Variants in FER observed in about 807,000 individuals in gnomAD.
FER encodes the protein FER tyrosine kinase, also known as tyrosine-protein kinase Fer.
Under a neutral mutation model 111.0 loss-of-function variants are expected in FER, and 63 were observed. The observed-to-expected ratio is 0.57, with a 90% CI of 0.46 to 0.70. The LOEUF (loss-of-function observed/expected upper bound fraction) is 0.70, where lower values mean the gene tolerates loss of function less well. Among genes scored for constraint, FER ranks in the 30% least tolerant of loss-of-function variants. The pLI is 0.00. For synonymous variants in FER, 327 were observed against 313.9 expected (o/e 1.04, Z -0.44); for missense variants, 914 against 954.0 (o/e 0.96, Z 0.55).
At chr5:109,069,802 G>C (rs547340467) in intron 16 of FER, among the ~76,000 whole-genome samples, 2 of 152,058 alleles carry the variant, frequency 1.3e-5, no homozygotes, top group Admixed American at 6.5e-5. Flanking sequence ...TTTTTTTTCT[G>C]TTTGAACTCT....
chr5:108,891,402 A>G (rs1748025996), intron 9 of FER: 1 of 152,052 alleles, frequency 6.6e-6, no homozygotes, highest in Non-Finnish European at 1.5e-5. Flanking sequence ...TCTTTCATAG[A>G]ACAAAATTTT....
chr5:108,860,129 G>C (rs1763375113), intron 5 of FER, among the ~76,000 whole-genome samples: 1 of 151,812 alleles, frequency 6.6e-6, no homozygotes, highest in Non-Finnish European at 1.5e-5. Context: ...TTTTAAGAGA[G>C]ACAGGGTTTC....
chr5:109,043,422 T>C (rs952414216), intron 14 of FER, among the ~76,000 whole-genome samples: 3 of 152,220 alleles, frequency 2.0e-5, no homozygotes, highest in Non-Finnish European at 4.4e-5. Flanking sequence ...GAAAACATGA[T>C]TGATCATTGT....
intron 13 of FER, among the ~76,000 whole-genome samples, chr5:109,000,792 A>G (rs1179382267): frequency 6.6e-6 from 1 of 152,184 alleles, no homozygotes; most frequent in Non-Finnish European, 1.5e-5. Flanking sequence ...GAGGAATCAA[A>G]TAGACACAAT....
chr5:109,144,049 C>T (rs1344145226), intron 17 of FER, among the ~76,000 whole-genome samples: 1 of 151,804 alleles, frequency 6.6e-6, no homozygotes, highest in African/African-American at 2.4e-5. Context: ...TGCTGTGTTT[C>T]CATAATGTAA....
chr5:109,099,589 T>G (rs538932883), intron 16 of FER, among the ~76,000 whole-genome samples: 1 of 151,710 alleles, frequency 6.6e-6, no homozygotes, highest in Admixed American at 6.6e-5. Flanking sequence ...ATATCTCAAC[T>G]AAAATTTTCA....
intron 10 of FER, among the ~76,000 whole-genome samples, chr5:108,940,164 T>C (rs1756059713): frequency 6.6e-6 from 1 of 152,088 alleles, no homozygotes; most frequent in Non-Finnish European, 1.5e-5. Context: ...TTCTGAGGAA[T>C]GTAGCCTTTA....
intron 2 of FER, among the ~76,000 whole-genome samples, chr5:108,771,341 T>TGGAAAAAACA (rs1182010837): frequency 1.3e-5 from 2 of 152,202 alleles, no homozygotes; most frequent in Non-Finnish European, 1.5e-5. Flanking sequence ...CCTTAAACAG[T>TGGAAAAAACA]TCTATTTTTT....
At chr5:109,122,292 A>G (rs918389079) in intron 17 of FER, among the ~76,000 whole-genome samples, 1 of 152,024 alleles carries the variant, frequency 6.6e-6, no homozygotes, top group Admixed American at 6.6e-5. Context: ...GTAGCAGGAC[A>G]TTTTTTAATT....
At chr5:109,003,570 A>G (rs186458748) in intron 13 of FER, among the ~76,000 whole-genome samples, 1 of 152,212 alleles carries the variant, frequency 6.6e-6, no homozygotes, top group Non-Finnish European at 1.5e-5. Context: ...TACATATGTA[A>G]CAAACCTGCA....
intron 2 of FER, among the ~76,000 whole-genome samples, chr5:108,777,194 TATATGGCTTGCAG>T (rs1299434239): frequency 6.6e-6 from 1 of 152,200 alleles, no homozygotes; most frequent in African/African-American, 2.4e-5. Context: ...CTTTGTCAGA[TATATGGCTTGCAG>T]ATATGGCTTG....
At chr5:108,766,352 T>C (rs1375358458) in intron 1 of FER, among the ~76,000 whole-genome samples, 1 of 152,242 alleles carries the variant, frequency 6.6e-6, no homozygotes, top group African/African-American at 2.4e-5. Context: ...CATAATTCAT[T>C]TTGGAATTTC....
chr5:109,053,514 T>C (rs988280987), intron 16 of FER, among the ~76,000 whole-genome samples: 1 of 152,110 alleles, frequency 6.6e-6, no homozygotes, highest in Admixed American at 6.6e-5. Context: ...TTTACTACCC[T>C]GTCACAGCCA....
intron 13 of FER, among the ~76,000 whole-genome samples, chr5:109,017,927 G>T (rs1767396897): frequency 6.6e-6 from 1 of 151,528 alleles, no homozygotes; most frequent in South Asian, 2.1e-4. Flanking sequence ...ATGATTGTTG[G>T]GACTTCTATA....
At chr5:109,019,717 G>GTGAC (rs2149826416) in intron 13 of FER, among the ~76,000 whole-genome samples, 1 of 151,844 alleles carries the variant, frequency 6.6e-6, no homozygotes, top group South Asian at 2.1e-4. Context: ...ATCTGGTGGA[G>GTGAC]GTCATTCATT....
At chr5:108,916,557 T>C (rs1318517450) in intron 10 of FER, among the ~76,000 whole-genome samples, 1 of 152,146 alleles carries the variant, frequency 6.6e-6, no homozygotes, top group African/African-American at 2.4e-5. Context: ...TTCAATTATC[T>C]ATTAATTATG....
At chr5:108,810,165 T>C (rs1013982551) in intron 3 of FER, among the ~76,000 whole-genome samples, 1 of 152,210 alleles carries the variant, frequency 6.6e-6, no homozygotes, top group African/African-American at 2.4e-5. Flanking sequence ...TTCAGTAATG[T>C]CTTTTTGGCT....
At chr5:108,885,961 T>C (rs1429321219) in intron 9 of FER, among the ~76,000 whole-genome samples, 4 of 151,956 alleles carry the variant, frequency 2.6e-5, no homozygotes, top group African/African-American at 7.2e-5. Context: ...AATTATCTTT[T>C]GCTTTTCTGT....
chr5:108,961,292 G>A (rs1362222414), intron 13 of FER, among the ~76,000 whole-genome samples: 1 of 152,142 alleles, frequency 6.6e-6, no homozygotes, highest in African/African-American at 2.4e-5. Flanking sequence ...GCTTAGCCAG[G>A]TCTAAATTGG....
Sources: gnomAD v4.1 joint callset for allele counts (sites outside exome capture counted in the v4.1 genomes callset) on GRCh38, gnomAD v4.1.1 for gene constraint, MANE v1.5 for transcripts, NCBI Gene and HGNC (gene_info 2026-07-23, HGNC 2026-07-21) for gene names.